Variants in CDH8 observed in about 807,000 individuals in gnomAD.
CDH8 encodes cadherin-8.
Under a neutral mutation model 68.1 loss-of-function variants are expected in CDH8, and 17 were observed. That is an observed-to-expected ratio of 0.25 (90% CI 0.17 to 0.37). The LOEUF is 0.37. Among genes scored for constraint, CDH8 ranks in the 10% least tolerant of loss-of-function variants. CDH8 has a pLI of 1.00. For synonymous variants in CDH8, 372 were observed against 365.1 expected (o/e 1.02, Z -0.21); for missense variants, 763 against 999.3 (o/e 0.76, Z 3.19).
chr16:61,744,238 C>T (rs1959956463), intron 8 of CDH8, among the ~76,000 whole-genome samples: 1 of 152,104 alleles, frequency 6.6e-6, no homozygotes, highest in Admixed American at 6.6e-5. Context: ...CTGTTGCTCA[C>T]TTAGATTCTG....
At chr16:61,826,711 C>T (rs1962344250) in intron 4 of CDH8, among the ~76,000 whole-genome samples, 1 of 151,448 alleles carries the variant, frequency 6.6e-6, no homozygotes, top group Non-Finnish European at 1.5e-5. Flanking sequence ...GTTCAAGTCC[C>T]TAAATCTTTT....
At chr16:61,807,758 C>T (rs1317227791) in intron 7 of CDH8, among the ~76,000 whole-genome samples, 1 of 152,166 alleles carries the variant, frequency 6.6e-6, no homozygotes, top group African/African-American at 2.4e-5. Flanking sequence ...ACCACTTTGG[C>T]ATGACGTAGT....
intron 1 of CDH8, among the ~76,000 whole-genome samples, chr16:62,023,496 T>G (rs1902122960): frequency 6.6e-6 from 1 of 152,158 alleles, no homozygotes; most frequent in African/African-American, 2.4e-5. Flanking sequence ...ATAAGACACA[T>G]GTAAACCAGC....
intron 4 of CDH8, among the ~76,000 whole-genome samples, chr16:61,828,117 AC>A (rs1206429908): frequency 6.6e-6 from 1 of 151,874 alleles, no homozygotes; most frequent in Non-Finnish European, 1.5e-5. Context: ...CAGTAAAGAA[AC>A]TGGCCAAAAC....
chr16:61,891,991 T>G (rs1963787019), intron 3 of CDH8, among the ~76,000 whole-genome samples: 1 of 152,172 alleles, frequency 6.6e-6, no homozygotes, highest in South Asian at 2.1e-4. Context: ...TTGAAGACAG[T>G]TTGTCAGTAT....
rs9936508 is a variant in CDH8, at chr16:61,666,100, T to G, written c.1655-10379A>C. Among the ~76,000 whole-genome samples, 967 of 152,004 alleles carry G rather than the reference T, an allele frequency of 6.4e-3. 11 individuals carry two copies. Among genetic ancestry groups the G allele is most frequent in the African/African-American group, 0.022 (903 of 41,500 alleles). On this transcript the variant is annotated intron_variant, in intron 10 of 11. Transcript: ENST00000577390. ...GTAAATCGTCCCTTTTTCCGGCATA[T>G]CCATGCTGTATGTACTCCCTGCCCT...
At chr16:61,846,748 G>A (rs1341500594) in intron 4 of CDH8, among the ~76,000 whole-genome samples, 5 of 152,052 alleles carry the variant, frequency 3.3e-5, no homozygotes, top group Admixed American at 3.3e-4. Flanking sequence ...CACAAAATTT[G>A]TGATCAATAA....
intron 3 of CDH8, among the ~76,000 whole-genome samples, chr16:61,878,619 A>G (rs1005468971): frequency 6.6e-6 from 1 of 152,188 alleles, no homozygotes; most frequent in Non-Finnish European, 1.5e-5. Context: ...GATGATAATG[A>G]TGTTGATAAT....
At chr16:61,980,060 G>A (rs544827829) in intron 2 of CDH8, among the ~76,000 whole-genome samples, 16 of 152,242 alleles carry the variant, frequency 1.1e-4, no homozygotes, top group Admixed American at 6.5e-4. Context: ...AGCCCAAGAA[G>A]GTACCACGGC....
intron 3 of CDH8, among the ~76,000 whole-genome samples, chr16:61,865,789 A>T (rs1963242114): frequency 1.3e-5 from 2 of 152,184 alleles, no homozygotes; most frequent in Non-Finnish European, 2.9e-5. Context: ...TTACCTATGG[A>T]ATGAAATCCT....
chr16:61,951,363 A>C (rs1239937432), intron 2 of CDH8, among the ~76,000 whole-genome samples: 1 of 152,018 alleles, frequency 6.6e-6, no homozygotes, highest in Non-Finnish European at 1.5e-5. Flanking sequence ...TACAAAAAAA[A>C]TTAGCTGGGC....
rs1960678479 is a variant in CDH8, at chr16:61,768,377, T to TCTCTCTCTCC, written c.1414+20968_1414+20969insGGAGAGAGAG. Among the ~76,000 whole-genome samples, 5 of 105,422 alleles carry TCTCTCTCTCC rather than the reference T, an allele frequency of 4.7e-5. 1 individual carries two copies. Among genetic ancestry groups the TCTCTCTCTCC allele is most frequent in the East Asian group, 5.5e-4 (2 of 3,616 alleles). 69.2% of individuals were successfully genotyped at this position (105,422 alleles called of 152,430 possible). ...CTCTCTCTCTCTCTCTCCCTTTCTC[T>TCTCTCTCTCC]CTCTCTCTCTCTCTCTCCCTTTCTC... is the stretch of plus-strand genomic sequence containing the variant. On this transcript the variant is annotated intron_variant, in intron 8 of 11. Transcript: ENST00000577390.
intron 2 of CDH8, among the ~76,000 whole-genome samples, chr16:62,006,636 A>G (rs1170327459): frequency 6.6e-6 from 1 of 152,168 alleles, no homozygotes; most frequent in East Asian, 1.9e-4. Flanking sequence ...TTACTGAGCT[A>G]TTAAAAATGT....
chr16:61,902,659 T>C (rs1195670390), intron 2 of CDH8, among the ~76,000 whole-genome samples: 2 of 151,586 alleles, frequency 1.3e-5, no homozygotes, highest in African/African-American at 4.8e-5. Flanking sequence ...ATCCCTTTTA[T>C]TCAGAACAGC....
chr16:62,029,708 T>C (rs1902279376), intron 1 of CDH8, among the ~76,000 whole-genome samples: 1 of 152,188 alleles, frequency 6.6e-6, no homozygotes, highest in Non-Finnish European at 1.5e-5. Flanking sequence ...ATAAATTCCA[T>C]TGCACTTCAT....
chr16:61,927,191 T>C (rs1204205426), intron 2 of CDH8, among the ~76,000 whole-genome samples: 2 of 152,210 alleles, frequency 1.3e-5, no homozygotes, highest in East Asian at 3.9e-4. Context: ...ATCATTTTAC[T>C]TCTCTTAGCT....
At chr16:61,807,293 A>G (rs1253575545) in intron 7 of CDH8, among the ~76,000 whole-genome samples, 1 of 129,682 alleles carries the variant, frequency 7.7e-6, no homozygotes, top group Non-Finnish European at 1.6e-5. Flanking sequence ...GGACACAGGA[A>G]GGGGAATATC....
chr16:61,761,856 T>G (rs1225591593), intron 8 of CDH8, among the ~76,000 whole-genome samples: 1 of 151,860 alleles, frequency 6.6e-6, no homozygotes, highest in Admixed American at 6.6e-5. Flanking sequence ...TAAAACTAGC[T>G]GGGTGTGGTG....
At chr16:61,874,694 A>G (rs145068424) in intron 3 of CDH8, among the ~76,000 whole-genome samples, 5 of 152,320 alleles carry the variant, frequency 3.3e-5, no homozygotes, top group African/African-American at 7.2e-5. Context: ...GAATGTATCA[A>G]TACAACAGCC....
Sources: gnomAD v4.1 joint callset for allele counts (sites outside exome capture counted in the v4.1 genomes callset) on GRCh38, gnomAD v4.1.1 for gene constraint, MANE v1.5 for transcripts, NCBI Gene and HGNC (gene_info 2026-07-23, HGNC 2026-07-21) for gene names.